The following USP31 variants were observed in gnomAD, a reference collection of about 807,000 sequenced individuals.
USP31 encodes the protein ubiquitin carboxyl-terminal hydrolase 31.
A neutral mutation model predicts 119.4 loss-of-function variants in USP31; 44 were observed. The ratio of observed to expected loss-of-function variants is 0.37; its 90% CI spans 0.29 to 0.47. The LOEUF (loss-of-function observed/expected upper bound fraction) is 0.47. Ranked by LOEUF, USP31 falls within the 20% of genes least tolerant of loss-of-function variation. The probability of loss-of-function intolerance (pLI) is 0.99; values close to 1 mark genes in which losing one functional copy is unlikely to be tolerated. For synonymous variants in USP31, 749 were observed against 705.6 expected (o/e 1.06, Z -0.97); for missense variants, 1,643 against 1,730.2 (o/e 0.95, Z 0.89).
Position 23,082,831 on chromosome 16 carries a change from C to CT in USP31, c.1831-275dup, listed in dbSNP as rs71151692. Among the ~76,000 whole-genome samples the CT allele has an allele frequency of 7.0e-3, 905 of 129,296 alleles. 21 individuals are homozygous for CT. Among genetic ancestry groups the CT allele is most frequent in the Middle Eastern group, 0.041 (10 of 242 alleles). The allele number at this position is 129,296 out of a possible 152,430, so 84.8% of individuals were successfully genotyped here. On this transcript the variant is annotated intron_variant, in intron 11 of 15. Coordinates refer to ENST00000219689, the MANE Select transcript of USP31 (RefSeq NM_020718.4). ...TAAATATGTTACTTTCTTTCTCTCT[C>CT]TTTTTTTTTTTTTTTTTGAAACAGA... is the stretch of plus-strand genomic sequence containing the variant.
At position 23,109,500 on chromosome 16, in the gene USP31, C is replaced by A. The variant is rs1435395910; in HGVS notation, c.634-1317G>T. The stretch of plus-strand genomic sequence containing the variant: ...AGGGAGAAGAGGCAAATCTTCCTTA[C>A]AGAGGAATTCCAAATAATTTATATC... On this transcript the variant is annotated intron_variant, in intron 1 of 15. Transcript: ENST00000219689. 2.0e-5 allele frequency among the ~76,000 whole-genome samples: 3 copies of A among 152,156 alleles called. 1 individual carries two copies. Among genetic ancestry groups the A allele is most frequent in the Non-Finnish European group, 4.4e-5 (3 of 68,020 alleles).
intron 15 of USP31, among the ~76,000 whole-genome samples, chr16:23,070,146 T>C (rs1347308070): frequency 6.6e-6 from 1 of 152,222 alleles, no homozygotes; most frequent in African/African-American, 2.4e-5. Flanking sequence ...ACAGAGCACC[T>C]GGCATTCCAT....
intron 11 of USP31, among the ~76,000 whole-genome samples, 162 bp from the exon 12 acceptor site, chr16:23,082,719 G>A (rs1470922676): frequency 6.6e-6 from 1 of 152,050 alleles, no homozygotes; most frequent in Non-Finnish European, 1.5e-5. Context: ...GCCAGAGCTG[G>A]CACCCAAACT....
At chr16:23,086,420 AT>A (rs1280832362) in intron 9 of USP31, among the ~76,000 whole-genome samples, 3 of 152,142 alleles carry the variant, frequency 2.0e-5, no homozygotes, top group Non-Finnish European at 4.4e-5. Flanking sequence ...TATGTATATT[AT>A]TTTATTAATA....
chr16:23,129,043 G>A (rs1902950882), intron 1 of USP31, among the ~76,000 whole-genome samples: 2 of 152,006 alleles, frequency 1.3e-5, no homozygotes, highest in Non-Finnish European at 2.9e-5. Context: ...TTTTTAATGG[G>A]GCTGGTCTTA....
rs984844271 is a variant in USP31 at position 23,094,227 on chromosome 16, C to T, written c.1235-3423G>A. On this transcript the variant is annotated intron_variant, in intron 6 of 15. Coordinates refer to ENST00000219689, the MANE Select transcript of USP31 (RefSeq NM_020718.4). ...CCTGGCTCGGTGGGTCCCATGCCCA[C>T]GGAGTCTTGCTCACTGCTAGCGCAG... 9.2e-5 allele frequency among the ~76,000 whole-genome samples: 14 copies of T among 152,290 alleles called. No individual in the cohort carries two copies. In the East Asian group the frequency reaches 2.3e-3, roughly 25 times the overall value.
intron 1 of USP31, among the ~76,000 whole-genome samples, chr16:23,131,333 T>C (rs905184133): frequency 2.6e-5 from 4 of 152,144 alleles, no homozygotes; most frequent in African/African-American, 9.7e-5. Context: ...TATTTTATTT[T>C]AGTTTTGTAG....
chr16:23,144,193 T>C (rs1198986801), intron 1 of USP31, among the ~76,000 whole-genome samples: 2 of 152,178 alleles, frequency 1.3e-5, no homozygotes, highest in Non-Finnish European at 2.9e-5. Flanking sequence ...AAGAAAAGCA[T>C]TAGTAACTTA....
At chr16:23,104,264 C>A (rs1158389838) in intron 5 of USP31, among the ~76,000 whole-genome samples, 1 of 152,236 alleles carries the variant, frequency 6.6e-6, no homozygotes, top group Non-Finnish European at 1.5e-5. Context: ...CATTTTCCTT[C>A]TAATGAATTT....
At chr16:23,076,565 A>G (rs1900584125) in intron 13 of USP31, among the ~76,000 whole-genome samples, 1 of 152,194 alleles carries the variant, frequency 6.6e-6, no homozygotes, top group East Asian at 1.9e-4. Context: ...AGAGCTAGAA[A>G]GATGTGTCTG....
intron 1 of USP31, among the ~76,000 whole-genome samples, chr16:23,130,970 G>A (rs1903012115): frequency 6.6e-6 from 1 of 151,936 alleles, no homozygotes; most frequent in African/African-American, 2.4e-5. Context: ...AGATCTTAAC[G>A]GACCTGCATT....
At chr16:23,096,815 C>G (rs1901633334) in intron 6 of USP31, among the ~76,000 whole-genome samples, 1 of 152,076 alleles carries the variant, frequency 6.6e-6, no homozygotes, top group Non-Finnish European at 1.5e-5. Flanking sequence ...GACAACGTAC[C>G]AGAATCTCTG....
intron 1 of USP31, among the ~76,000 whole-genome samples, chr16:23,123,819 G>C (rs1169044816): frequency 1.3e-5 from 2 of 152,066 alleles, no homozygotes; most frequent in African/African-American, 4.8e-5. Flanking sequence ...AGGCAACAAA[G>C]AGAGACCTGG....
chr16:23,141,134 T>C (rs1453159227), intron 1 of USP31, among the ~76,000 whole-genome samples: 1 of 152,174 alleles, frequency 6.6e-6, no homozygotes, highest in Non-Finnish European at 1.5e-5. Flanking sequence ...ACCCCTTACC[T>C]TGGTCTGTAA....
At chr16:23,070,353 A>T (rs989299184) in intron 15 of USP31, among the ~76,000 whole-genome samples, 1 of 152,218 alleles carries the variant, frequency 6.6e-6, no homozygotes, top group South Asian at 2.1e-4. Flanking sequence ...GGATCAACGC[A>T]AAGAGCTAAA....
chr16:23,112,262 G>A (rs189078285), intron 1 of USP31, among the ~76,000 whole-genome samples: 3 of 152,232 alleles, frequency 2.0e-5, no homozygotes, highest in Admixed American at 1.3e-4. Flanking sequence ...CAGTCTTCAT[G>A]TCTATCTCCC....
Position 23,149,385 on chromosome 16 carries a change from C to G in USP31, c.-115G>C. ...CACCGGGCCCGGGGGCTCGACGCCC[C>G]ACACACCTCAAAGCGCAGCCGAGCC... On this transcript the variant is annotated 5_prime_UTR_variant, in exon 1 of 16. Coordinates refer to ENST00000219689, the MANE Select transcript of USP31 (RefSeq NM_020718.4). 2.0e-6 allele frequency: 2 copies of G among 983,662 alleles called. No homozygotes were observed. The highest frequency in any genetic ancestry group is 2.4e-6 in the Non-Finnish European group (2 of 829,256). The allele number at this position is 983,662 out of a possible 1,614,324, so 60.9% of individuals were successfully genotyped here. A position where few individuals can be genotyped will look rare whatever the true frequency, so the allele number is the denominator to read the frequency against.
At chr16:23,126,726 A>C (rs1646458101) in intron 1 of USP31, among the ~76,000 whole-genome samples, 1 of 152,194 alleles carries the variant, frequency 6.6e-6, no homozygotes, top group South Asian at 2.1e-4. Context: ...TAACACATGC[A>C]TCTACCTTAC....
rs941875739 is a variant in USP31 at position 23,072,312 on chromosome 16, C to A, written c.2336-115G>T. On this transcript the variant is annotated intron_variant, in intron 14 of 15. Coordinates refer to ENST00000219689, the MANE Select transcript of USP31 (RefSeq NM_020718.4). ...GAGCTGGGGGGCGTTGATGTCCTCA[C>A]CCCGAGGTCAGCATCAATTCCCAGA... The A allele has an allele frequency of 1.3e-5, 18 of 1,411,532 alleles. 1 individual carries two copies. The highest frequency in any genetic ancestry group is 3.6e-4 in the Middle Eastern group (2 of 5,498). 87.4% of individuals were successfully genotyped at this position (1,411,532 alleles called of 1,614,324 possible).
Sources: gnomAD v4.1 joint callset for allele counts (sites outside exome capture counted in the v4.1 genomes callset) on GRCh38, gnomAD v4.1.1 for gene constraint, MANE v1.5 for transcripts, NCBI Gene and HGNC (gene_info 2026-07-23, HGNC 2026-07-21) for gene names.